Variants in MIPOL1 observed in about 807,000 individuals in gnomAD.
MIPOL1 encodes mirror-image polydactyly 1.
In MIPOL1, 57 loss-of-function variants were observed where a neutral mutation model predicts 60.9. The observed-to-expected ratio is 0.94, with a 90% confidence interval of 0.76 to 1.17. MIPOL1 has a LOEUF of 1.17. MIPOL1 is among the 50% of genes most tolerant of loss of function. The pLI is 0.00. For missense variants in MIPOL1, 551 were observed against 511.6 expected (o/e 1.08, Z -0.74); for synonymous variants, 179 against 168.8 (o/e 1.06, Z -0.47).
intron 7 of MIPOL1, among the ~76,000 whole-genome samples, chr14:37,296,514 A>G (rs1236025611): frequency 2.6e-5 from 4 of 152,048 alleles, no homozygotes; most frequent in East Asian, 3.9e-4. Context: ...ATGAATCCAG[A>G]AGCTGGTTTT....
rs371523194 is a variant in MIPOL1, at chr14:37,345,564, A to G, written c.829-23953A>G. 4.6e-5 allele frequency among the ~76,000 whole-genome samples: 7 copies of G among 152,238 alleles called. No homozygotes were observed. The East Asian group carries it at 1.2e-3, about 25-fold the overall frequency. On this transcript the variant is annotated intron_variant, in intron 9 of 12. Coordinates refer to ENST00000684589, the MANE Select transcript of MIPOL1 (RefSeq NM_001388067.1). ...TGAGTTTTTTCTAAGTCTCTTCAAT[A>G]GTTTCTTGGTATCTGCTATGACTAA...
At chr14:37,260,439 G>A (rs1410775427) in intron 3 of MIPOL1, among the ~76,000 whole-genome samples, 1 of 152,102 alleles carries the variant, frequency 6.6e-6, no homozygotes, top group Non-Finnish European at 1.5e-5. Context: ...CCACATCTGT[G>A]TAACTATTCT....
At chr14:37,358,238 A>G (rs1331094277) in intron 9 of MIPOL1, among the ~76,000 whole-genome samples, 1 of 152,158 alleles carries the variant, frequency 6.6e-6, no homozygotes, top group Non-Finnish European at 1.5e-5. Context: ...CCAGTCTATT[A>G]TTGATGGGCA....
intron 9 of MIPOL1, among the ~76,000 whole-genome samples, chr14:37,327,319 G>A (rs964940354): frequency 4.6e-5 from 7 of 151,544 alleles, no homozygotes; most frequent in South Asian, 2.1e-4. Flanking sequence ...ACAGGTTCTC[G>A]CTCTGTTGCC....
intron 9 of MIPOL1, among the ~76,000 whole-genome samples, chr14:37,339,078 T>G (rs2090393920): frequency 6.6e-6 from 1 of 152,182 alleles, no homozygotes; most frequent in South Asian, 2.1e-4. Context: ...TGTAATTCAT[T>G]TATAAAACAG....
intron 3 of MIPOL1, among the ~76,000 whole-genome samples, chr14:37,252,642 C>T (rs1481945070): frequency 2.0e-5 from 3 of 151,834 alleles, no homozygotes; most frequent in African/African-American, 7.2e-5. Flanking sequence ...CACCATCAAC[C>T]TCTTGTATTA....
chr14:37,447,891 G>A lies in MIPOL1; in HGVS notation c.1031+24942G>A, dbSNP rs1363574010. Among the ~76,000 whole-genome samples the A allele has an allele frequency of 2.6e-5, 4 of 151,998 alleles. No individual in the cohort carries two copies. The East Asian group carries it at 7.7e-4, about 29-fold the overall frequency. ...TGGTACCTATCTTTTTAATGTGTGG[G>A]TAGATAGGCAGTTATGAATGTTGGT... is the stretch of plus-strand genomic sequence containing the variant. On this transcript the variant is annotated intron_variant, in intron 11 of 12. Coordinates refer to ENST00000684589, the MANE Select transcript of MIPOL1 (RefSeq NM_001388067.1).
Position 37,336,414 on chromosome 14 carries a change from C to A in MIPOL1, c.828+27895C>A, listed in dbSNP as rs1312854154. Among the ~76,000 whole-genome samples, 9 of 149,638 alleles carry A rather than the reference C, an allele frequency of 6.0e-5. No individual in the cohort carries two copies. The East Asian group carries it at 1.8e-3, about 29-fold the overall frequency. On this transcript the variant is annotated intron_variant, in intron 9 of 12. Coordinates refer to ENST00000684589, the MANE Select transcript of MIPOL1 (RefSeq NM_001388067.1). ...TATATTATTATTATTATATAATGCC[C>A]TCTTTGTCTCTTCTAAGTTGCTTTT...
intron 9 of MIPOL1, among the ~76,000 whole-genome samples, chr14:37,309,167 C>A (rs1304355269): frequency 6.6e-6 from 1 of 150,658 alleles, no homozygotes; most frequent in Non-Finnish European, 1.5e-5. Flanking sequence ...TTGGTATCAC[C>A]TTGTTTCCCA....
chr14:37,350,326 C>T (rs1484560507), intron 9 of MIPOL1, among the ~76,000 whole-genome samples: 1 of 152,194 alleles, frequency 6.6e-6, no homozygotes, highest in Non-Finnish European at 1.5e-5. Context: ...GGTTCTCCTG[C>T]CTCAAACCCC....
At chr14:37,458,074 A>T (rs1040652704) in intron 11 of MIPOL1, among the ~76,000 whole-genome samples, 1 of 150,890 alleles carries the variant, frequency 6.6e-6, no homozygotes, top group Non-Finnish European at 1.5e-5. Context: ...AAAAACAGTA[A>T]AAAAAAAAGA....
chr14:37,318,804 T>G lies in MIPOL1; in HGVS notation c.828+10285T>G, dbSNP rs61989583. Among the ~76,000 whole-genome samples, 44 of 61,138 alleles carry G rather than the reference T, an allele frequency of 7.2e-4. No individual in the cohort carries two copies. In the South Asian group the frequency reaches 0.01, roughly 14 times the overall value. 40.1% of individuals were successfully genotyped at this position (61,138 alleles called of 152,430 possible). Reference sequence around the variant, plus strand: ...AATTTTACTTCATTTTATTTATTTATTTATTTATTTATTTATTTATTTAGT... The same window carrying G: ...AATTTTACTTCATTTTATTTATTTAGTTATTTATTTATTTATTTATTTAGT... On this transcript the variant is annotated intron_variant, in intron 9 of 12. Transcript: ENST00000684589.
intron 9 of MIPOL1, 141 bp from the exon 10 acceptor site, chr14:37,369,376 A>G (rs1185026323): frequency 8.8e-6 from 4 of 452,478 alleles, no homozygotes; most frequent in Non-Finnish European, 1.6e-5. Context: ...ATTTAACATT[A>G]CTTTTACTTA....
intron 12 of MIPOL1, among the ~76,000 whole-genome samples, chr14:37,531,202 C>G (rs1437563504): frequency 1.3e-5 from 2 of 152,076 alleles, no homozygotes; most frequent in Non-Finnish European, 2.9e-5. Context: ...TGCTTATTTG[C>G]CTCTCTTTGT....
chr14:37,472,630 C>T (rs1445047073), intron 11 of MIPOL1, among the ~76,000 whole-genome samples: 3 of 152,066 alleles, frequency 2.0e-5, no homozygotes, highest in Non-Finnish European at 4.4e-5. Flanking sequence ...ATCTAGCCTT[C>T]AATACTAGGC....
intron 12 of MIPOL1, among the ~76,000 whole-genome samples, chr14:37,530,004 T>C (rs1455228805): frequency 1.3e-5 from 2 of 152,178 alleles, no homozygotes; most frequent in Non-Finnish European, 2.9e-5. Context: ...TCACTTAGCA[T>C]TGGAAGATTT....
At chr14:37,418,494 A>G (rs1303438199) in intron 10 of MIPOL1, among the ~76,000 whole-genome samples, 1 of 152,168 alleles carries the variant, frequency 6.6e-6, no homozygotes, top group Non-Finnish European at 1.5e-5. Flanking sequence ...TTATTCTGTG[A>G]ACTTTGATTA....
chr14:37,443,096 CAG>C (rs1248845945), intron 11 of MIPOL1, among the ~76,000 whole-genome samples: 1 of 152,088 alleles, frequency 6.6e-6, no homozygotes, highest in Non-Finnish European at 1.5e-5. Context: ...CTAATCAAAA[CAG>C]TGTGATATTA....
In MIPOL1 at chr14:37,328,250, G is replaced by A. The variant is rs1035197233; in HGVS notation, c.828+19731G>A. Among the ~76,000 whole-genome samples, 7 of 151,776 alleles carry A rather than the reference G, an allele frequency of 4.6e-5. No individual in the cohort carries two copies. The South Asian group carries it at 8.3e-4, about 18-fold the overall frequency. On this transcript the variant is annotated intron_variant, in intron 9 of 12. Transcript: ENST00000684589. ...GGCTGGTCTTGAACTCCTGACCTCG[G>A]GCAATCCATCCGCCTCAGCCTCTCA...
Sources: allele counts gnomAD v4.1 joint callset (sites outside exome capture counted in the v4.1 genomes callset), GRCh38; gene constraint gnomAD v4.1.1; transcripts MANE v1.5; gene names NCBI Gene and HGNC (gene_info 2026-07-23, HGNC 2026-07-21).